The following MAPK9 variants were observed in gnomAD, a reference collection of about 807,000 sequenced individuals.
MAPK9 encodes the protein mitogen-activated protein kinase 9.
MAPK9 carries 30 observed loss-of-function variants against 57.1 expected under a neutral mutation model. That is an observed-to-expected ratio of 0.53 (90% confidence interval 0.39 to 0.71). MAPK9 has a LOEUF of 0.71. Ranked by LOEUF, MAPK9 falls within the 30% of genes least tolerant of loss-of-function variation. The probability of loss-of-function intolerance (pLI) is 0.00; values close to 1 mark genes in which losing one functional copy is unlikely to be tolerated. For synonymous variants in MAPK9, 155 were observed against 177.0 expected, an observed-to-expected ratio of 0.88 and a Z score of 0.99; for missense variants, 362 against 521.0, an observed-to-expected ratio of 0.69 and a Z score of 2.97.
chr5:180,273,053 T>G (rs1365596612), intron 2 of MAPK9, among the ~76,000 whole-genome samples: 2 of 152,214 alleles, frequency 1.3e-5, no homozygotes, highest in African/African-American at 4.8e-5. Context: ...GCACTTGGTA[T>G]CACCAACAGC....
intron 2 of MAPK9, among the ~76,000 whole-genome samples, chr5:180,274,037 A>G (rs1004513069): frequency 6.6e-6 from 1 of 152,230 alleles, no homozygotes; most frequent in Non-Finnish European, 1.5e-5. Flanking sequence ...ACAAGTCTGA[A>G]AAATGACCTT....
At chr5:180,253,132 C>T (rs767685630) in intron 5 of MAPK9, among the ~76,000 whole-genome samples, 5 of 152,208 alleles carry the variant, frequency 3.3e-5, no homozygotes, top group Non-Finnish European at 5.9e-5. Context: ...AGGGGCCGAC[C>T]GGGCAGGGAT....
rs1395445369 is a variant in MAPK9, at chr5:180,245,204, C to T, written c.688+2235G>A. ...AGACCTTGCCCCTAAATTCCACTGT[C>T]TAACAGACATCTCCAAACCCTAGCA... On this transcript the variant is annotated intron_variant, in intron 7 of 11. Coordinates refer to ENST00000452135, the MANE Select transcript of MAPK9 (RefSeq NM_002752.5). 2.6e-5 allele frequency among the ~76,000 whole-genome samples: 4 copies of T among 152,224 alleles called. No homozygotes were observed. In the South Asian group the frequency reaches 6.2e-4, roughly 24 times the overall value.
At chr5:180,244,283 T>C (rs1250318579) in intron 7 of MAPK9, among the ~76,000 whole-genome samples, 2 of 152,182 alleles carry the variant, frequency 1.3e-5, no homozygotes, top group Non-Finnish European at 2.9e-5. Flanking sequence ...TGCTCAGCTC[T>C]AGACCCTAAC....
chr5:180,260,790 G>A (rs985452117), intron 5 of MAPK9, among the ~76,000 whole-genome samples: 1 of 152,054 alleles, frequency 6.6e-6, no homozygotes, highest in Non-Finnish European at 1.5e-5. Context: ...GTTAACTGTT[G>A]GGGTTTTCTT....
rs1236536700 is a variant in MAPK9, at chr5:180,247,705, G to C, written c.617-195C>G. ...GTTTGTAGCAATCTGGGGTTTTAGT[G>C]CCAAAGAGTCCAATACTTTATAGCT... On this transcript the variant is annotated intron_variant, in intron 6 of 11. Coordinates refer to ENST00000452135, the MANE Select transcript of MAPK9 (RefSeq NM_002752.5). This position sits in a 1 kb window ranked among gnomAD's most constrained non-coding sequence, Gnocchi z 4.5. 2 of 986,282 alleles carry C rather than the reference G, an allele frequency of 2.0e-6. No homozygotes were observed. The highest frequency in any genetic ancestry group is 2.7e-5 in the South Asian group (2 of 73,144). The allele number at this position is 986,282 out of a possible 1,614,324, so 61.1% of individuals were successfully genotyped here. A position where few individuals can be genotyped will look rare whatever the true frequency, so the allele number is the denominator to read the frequency against.
chr5:180,272,674 C>A (rs979806244), intron 2 of MAPK9, among the ~76,000 whole-genome samples: 1 of 152,200 alleles, frequency 6.6e-6, no homozygotes, highest in Non-Finnish European at 1.5e-5. Flanking sequence ...TCCATTGTTG[C>A]TGTATGTAGC....
rs993419027 is a variant in MAPK9, at chr5:180,235,187, G to A, written c.*1197C>T. The A allele has an allele frequency of 3.9e-5, 6 of 152,150 alleles. 1 individual carries two copies. Among genetic ancestry groups the A allele is most frequent in the South Asian group, 4.1e-4 (2 of 4,828 alleles). 9.4% of individuals were successfully genotyped at this position (152,150 alleles called of 1,614,324 possible). ...TGACTCTTCAGGGTATTTCCTTCAC[G>A]TCCTCTGAAGAGTTTCCCAGAACAT... On this transcript the variant is annotated 3_prime_UTR_variant, in exon 12 of 12. Coordinates refer to ENST00000452135, the MANE Select transcript of MAPK9 (RefSeq NM_002752.5).
chr5:180,288,062 G>C (rs143294080), intron 1 of MAPK9, among the ~76,000 whole-genome samples: 1 of 152,122 alleles, frequency 6.6e-6, no homozygotes, highest in East Asian at 1.9e-4. Context: ...TCTGCAACAC[G>C]GACGAGCAGA....
At chr5:180,263,505 C>T (rs1161203448) in intron 4 of MAPK9, among the ~76,000 whole-genome samples, 1 of 152,076 alleles carries the variant, frequency 6.6e-6, no homozygotes, top group Admixed American at 6.6e-5. Context: ...TCTGACTTGC[C>T]TTAGAGCAAA....
intron 2 of MAPK9, 120 bp from the exon 3 acceptor site, chr5:180,269,529 T>A: frequency 1.1e-6 from 1 of 938,958 alleles, no homozygotes; most frequent in Non-Finnish European, 1.6e-6. Context: ...TCTGCTTATT[T>A]CATTCAAGGT....
intron 3 of MAPK9, among the ~76,000 whole-genome samples, 186 bp downstream of exon 3, chr5:180,269,092 CTG>C: frequency 6.6e-6 from 1 of 151,694 alleles, no homozygotes; most frequent in East Asian, 2.0e-4. Flanking sequence ...AGAGCCGAGA[CTG>C]CGCCACTGCA....
intron 1 of MAPK9, among the ~76,000 whole-genome samples, chr5:180,282,080 C>T (rs780659534): frequency 2.1e-4 from 32 of 152,272 alleles, no homozygotes; most frequent in Non-Finnish European, 4.0e-4. Context: ...ATAGGAGGTG[C>T]GAGGCAGGTC....
intron 2 of MAPK9, among the ~76,000 whole-genome samples, chr5:180,275,141 C>T: frequency 6.6e-6 from 1 of 152,094 alleles, no homozygotes; most frequent in Non-Finnish European, 1.5e-5. Flanking sequence ...TCTGCTGTTT[C>T]TGCAGGATTT....
chr5:180,286,363 C>G (rs1762766798), intron 1 of MAPK9, among the ~76,000 whole-genome samples: 1 of 150,966 alleles, frequency 6.6e-6, no homozygotes, highest in South Asian at 2.1e-4. Context: ...CCAGGATGGT[C>G]TCGATCTCCT....
rs969005507 is a variant in MAPK9 at position 180,261,533 on chromosome 5, C to T, written c.450+151G>A. On this transcript the variant is annotated intron_variant, in intron 5 of 11. Coordinates refer to ENST00000452135, the MANE Select transcript of MAPK9 (RefSeq NM_002752.5). The stretch of plus-strand genomic sequence containing the variant: ...AGGCCAGGCGGCTCCACAGATGCCT[C>T]CTAGAATGACTCTCTTAAAACACCA... 70 of 797,582 alleles carry T rather than the reference C, an allele frequency of 8.8e-5. No individual in the cohort carries two copies. In the Middle Eastern group the frequency reaches 1.2e-3, roughly 13 times the overall value. The allele number at this position is 797,582 out of a possible 1,614,324, so 49.4% of individuals were successfully genotyped here.
intron 11 of MAPK9, 83 bp downstream of exon 11, chr5:180,238,249 G>A (rs559513264): frequency 1.6e-5 from 17 of 1,070,816 alleles, no homozygotes; most frequent in African/African-American, 7.9e-5. Context: ...CAGCCTGGGC[G>A]ACAGAACGAA....
chr5:180,238,026 C>T (rs1296485261), intron 11 of MAPK9: 1 of 194,662 alleles, frequency 5.1e-6, no homozygotes, highest in African/African-American at 2.4e-5. Flanking sequence ...AATCCCACCA[C>T]TTTGGGAGGC....
At chr5:180,281,020 T>C (rs1041706665) in intron 1 of MAPK9, among the ~76,000 whole-genome samples, 2 of 152,220 alleles carry the variant, frequency 1.3e-5, no homozygotes, top group Admixed American at 6.5e-5. Context: ...TGATCACTTC[T>C]AGAATGCCTA....
Sources: allele counts gnomAD v4.1 joint callset (sites outside exome capture counted in the v4.1 genomes callset), GRCh38; gene constraint gnomAD v4.1.1; non-coding constraint Gnocchi (gnomAD v3.1); transcripts MANE v1.5; gene names NCBI Gene and HGNC (gene_info 2026-07-23, HGNC 2026-07-21).